RNPC3: variants seen among roughly 807,000 people sequenced by gnomAD.
The protein encoded by RNPC3 is RNA binding region (RNP1, RRM) containing 3, also known as RNA-binding region-containing protein 3.
A neutral mutation model predicts 67.5 loss-of-function variants in RNPC3; 48 were observed. The ratio of observed to expected loss-of-function variants is 0.71; its 90% CI spans 0.56 to 0.90. RNPC3 has a LOEUF of 0.90. Ranked by LOEUF, RNPC3 falls within the 40% of genes least tolerant of loss-of-function variation. RNPC3 has a pLI of 0.00. For synonymous variants in RNPC3, 239 were observed against 210.3 expected, an observed-to-expected ratio of 1.14 and a Z score of -1.18; for missense variants, 637 against 626.1, an observed-to-expected ratio of 1.02 and a Z score of -0.19.
At chr1:103,537,770 G>C (rs1651020058) in intron 7 of RNPC3, among the ~76,000 whole-genome samples, 1 of 152,020 alleles carries the variant, frequency 6.6e-6, no homozygotes, top group South Asian at 2.1e-4. Flanking sequence ...TTCCATATCT[G>C]AGAATTTGCC....
chr1:103,541,236 A>G, intron 7 of RNPC3, 114 bp from the exon 8 acceptor site: 1 of 720,126 alleles, frequency 1.4e-6, no homozygotes. Context: ...TAAGTAAATC[A>G]TTTTATAATT....
At chr1:103,537,962 G>T (rs1363985707) in intron 7 of RNPC3, among the ~76,000 whole-genome samples, 1 of 152,000 alleles carries the variant, frequency 6.6e-6, no homozygotes, top group East Asian at 1.9e-4. Context: ...TCCTGCCTCA[G>T]CTTCCCGAGT....
At chr1:103,536,086 A>G (rs1650979206) in intron 5 of RNPC3, 40 bp from the exon 6 acceptor site, 1 of 1,396,686 alleles carries the variant, frequency 7.2e-7, no homozygotes, top group South Asian at 1.2e-5. Context: ...TGTGAGTTGA[A>G]TCATTTTATA....
At chr1:103,538,615 T>G (rs1260993327) in intron 7 of RNPC3, among the ~76,000 whole-genome samples, 1 of 152,204 alleles carries the variant, frequency 6.6e-6, no homozygotes, top group Non-Finnish European at 1.5e-5. Flanking sequence ...AAGAACCTAA[T>G]GCTGAATTTT....
rs769279863 is a variant in RNPC3 at position 103,541,518 on chromosome 1, C to T, written c.893+43C>T. On this transcript the variant is annotated intron_variant, in intron 8 of 14. Coordinates refer to ENST00000423855, the MANE Select transcript of RNPC3 (RefSeq NM_017619.4). ...AAGAAATGAGGGTTGTCTGTATGTA[C>T]TTTGTTTACTTGCTTAATTCACATC... 2.8e-5 allele frequency: 40 copies of T among 1,444,898 alleles called. No individual in the cohort carries two copies. In the African/African-American group the frequency reaches 5.8e-4, roughly 21 times the overall value. The allele number at this position is 1,444,898 out of a possible 1,614,324, so 89.5% of individuals were successfully genotyped here. A position where few individuals can be genotyped will look rare whatever the true frequency, so the allele number is the denominator to read the frequency against.
chr1:103,540,800 T>G (rs951464332), intron 7 of RNPC3, among the ~76,000 whole-genome samples: 7 of 152,200 alleles, frequency 4.6e-5, no homozygotes, highest in Non-Finnish European at 1.0e-4. Context: ...AGAAAAGCTA[T>G]GTACAGGTGT....
At chr1:103,528,749 T>C (rs946348483) in intron 2 of RNPC3, among the ~76,000 whole-genome samples, 1 of 152,126 alleles carries the variant, frequency 6.6e-6, no homozygotes, top group Non-Finnish European at 1.5e-5. Flanking sequence ...TGAATAGATA[T>C]GTTTGCCCAA....
chr1:103,537,291 C>A, intron 6 of RNPC3, 51 bp from the exon 7 acceptor site: 2 of 1,289,696 alleles, frequency 1.6e-6, no homozygotes, highest in Non-Finnish European at 2.1e-6. Context: ...GGAGTTTGTT[C>A]TATAAATATT....
At chr1:103,550,779 G>A (rs1292232714) in intron 12 of RNPC3, among the ~76,000 whole-genome samples, 162 bp from the exon 13 acceptor site, 1 of 151,846 alleles carries the variant, frequency 6.6e-6, no homozygotes, top group Non-Finnish European at 1.5e-5. Flanking sequence ...ATCAATTTTA[G>A]TGCAGAACAT....
intron 9 of RNPC3, 35 bp downstream of exon 9, chr1:103,543,482 C>G (rs1236935515): frequency 1.5e-6 from 2 of 1,341,400 alleles, no homozygotes; most frequent in South Asian, 3.3e-5. Context: ...ATGCTGAAAT[C>G]AACTTATTGT....
At chr1:103,549,379 C>T (rs1651328600) in intron 12 of RNPC3, among the ~76,000 whole-genome samples, 1 of 152,166 alleles carries the variant, frequency 6.6e-6, no homozygotes, top group African/African-American at 2.4e-5. Flanking sequence ...ACAAATGGAA[C>T]CGTGTTTCAC....
chr1:103,546,395 A>C, intron 11 of RNPC3, 53 bp downstream of exon 11: 1 of 919,600 alleles, frequency 1.1e-6, no homozygotes, highest in Admixed American at 3.2e-5. Flanking sequence ...TGAAGGTTTT[A>C]TAGTTGATGT....
At chr1:103,543,557 G>T in intron 9 of RNPC3, 110 bp downstream of exon 9, 2 of 799,290 alleles carry the variant, frequency 2.5e-6, no homozygotes, top group East Asian at 3.3e-5. Context: ...TTTAAAATAT[G>T]CAATTAGTGT....
intron 12 of RNPC3, among the ~76,000 whole-genome samples, chr1:103,547,341 C>A (rs1428482794): frequency 6.6e-6 from 1 of 152,168 alleles, no homozygotes; most frequent in Non-Finnish European, 1.5e-5. Flanking sequence ...ATATTCATGG[C>A]TGTGTTCTAA....
At chr1:103,538,973 G>T (rs1651058031) in intron 7 of RNPC3, among the ~76,000 whole-genome samples, 1 of 152,130 alleles carries the variant, frequency 6.6e-6, no homozygotes, top group South Asian at 2.1e-4. Flanking sequence ...AAATATTTTT[G>T]ACTTTGAGAG....
intron 7 of RNPC3, 120 bp from the exon 8 acceptor site, chr1:103,541,230 T>C: frequency 3.0e-6 from 2 of 665,664 alleles, no homozygotes; most frequent in Non-Finnish European, 4.6e-6. Context: ...TTGATGTAAG[T>C]AAATCATTTT....
In RNPC3 at chr1:103,526,160, G is replaced by A; in HGVS notation, c.90G>A (p.Leu30=). Residue 30 remains leucine, a synonymous_variant, in exon 1 of 15, where the codon CTG becomes CTA. Coordinates refer to ENST00000423855, the MANE Select transcript of RNPC3 (RefSeq NM_017619.4). ...LSPPRGDRTL[L]VRHLPAELTA... is the part of the protein sequence containing the mutation. ...CGCCTCGGGGCGACCGAACCCTTCT[G>A]GTCAGGCACCTGCCGGCTGAGCTTA... 2 of 1,551,516 alleles carry A rather than the reference G, an allele frequency of 1.3e-6. No homozygotes were observed. Among genetic ancestry groups the A allele is most frequent in the Non-Finnish European group, 1.7e-6 (2 of 1,146,912 alleles).
intron 1 of RNPC3, among the ~76,000 whole-genome samples, chr1:103,527,124 A>G (rs556678871): frequency 1.3e-5 from 2 of 152,312 alleles, no homozygotes; most frequent in South Asian, 4.1e-4. Context: ...GTAACTTTTA[A>G]TAAGCATTGA....
rs1401480853 is a variant in RNPC3, at chr1:103,527,679, C to G, written c.193-16C>G. On this transcript the variant is annotated splice_polypyrimidine_tract_variant and intron_variant, in intron 1 of 14. Transcript: ENST00000423855. ...AAATTATATTGGAAGTAATTTGTAC[C>G]TTAACTCTGTTTCAGAAACATACAG... 2.6e-6 allele frequency: 4 copies of G among 1,539,944 alleles called. No individual in the cohort carries two copies.
Sources: allele counts gnomAD v4.1 joint callset (sites outside exome capture counted in the v4.1 genomes callset), GRCh38; gene constraint gnomAD v4.1.1; transcripts MANE v1.5; gene names NCBI Gene and HGNC (gene_info 2026-07-23, HGNC 2026-07-21).